BAZ2B: variants seen among roughly 807,000 people sequenced by gnomAD.
The protein encoded by BAZ2B is bromodomain adjacent to zinc finger domain 2B.
A neutral mutation model predicts 246.0 loss-of-function variants in BAZ2B; 91 were observed. The observed-to-expected ratio is 0.37, with a 90% confidence interval of 0.31 to 0.44. The LOEUF is 0.44. Among genes scored for constraint, BAZ2B ranks in the 20% least tolerant of loss-of-function variants. The pLI is 1.00. For missense variants in BAZ2B, 2,332 were observed against 2,533.7 expected, an observed-to-expected ratio of 0.92 and a Z score of 1.71; for synonymous variants, 855 against 860.0, an observed-to-expected ratio of 0.99 and a Z score of 0.10.
the BAZ2B span, among the ~76,000 whole-genome samples, chr2:159,676,846 T>C: frequency 1.3e-5 from 2 of 151,796 alleles, no homozygotes; most frequent in African/African-American, 4.8e-5. Flanking sequence ...TGCACAATAG[T>C]GTGAATGTAC....
the BAZ2B span, among the ~76,000 whole-genome samples, chr2:159,643,594 G>A: frequency 1.3e-5 from 2 of 152,014 alleles, no homozygotes; most frequent in Admixed American, 6.6e-5. Context: ...GTCTTAACTT[G>A]GCTGGTGCGG....
intron 30 of BAZ2B, among the ~76,000 whole-genome samples, chr2:159,348,152 C>G (rs998727826): frequency 6.6e-6 from 1 of 151,268 alleles, no homozygotes; most frequent in Non-Finnish European, 1.5e-5. Context: ...GGCCCTGTCT[C>G]TACAAAAAAT....
intron 2 of BAZ2B, among the ~76,000 whole-genome samples, chr2:159,537,429 G>A (rs10189523): frequency 0.031 from 4,743 of 152,362 alleles, 250 homozygotes; most frequent in African/African-American, 0.11. Flanking sequence ...ATGAGGCACT[G>A]TTACCTGTCT....
rs549657066 is a variant in BAZ2B, at chr2:159,527,069, C to T, written c.-3+28754G>A. 6.9e-4 allele frequency among the ~76,000 whole-genome samples: 104 copies of T among 151,370 alleles called. 1 individual carries two copies. The highest frequency in any genetic ancestry group is 2.4e-3 in the African/African-American group (99 of 41,238). On this transcript the variant is annotated intron_variant, in intron 2 of 36. Coordinates refer to ENST00000392783, the MANE Select transcript of BAZ2B (RefSeq NM_013450.4). ...TATCTTTGCCAGCAATTCATATTGT[C>T]GCTATTTTTAATTTTAATTTTTTTA...
At chr2:159,351,127 C>A (rs767150392) in intron 27 of BAZ2B, among the ~76,000 whole-genome samples, 27 of 152,118 alleles carry the variant, frequency 1.8e-4, no homozygotes, top group Non-Finnish European at 3.2e-4. Context: ...TACTACACAG[C>A]AAAAATTACC....
At chr2:159,686,522 A>G in the BAZ2B span, among the ~76,000 whole-genome samples, 1 of 152,322 alleles carries the variant, frequency 6.6e-6, no homozygotes, top group Admixed American at 6.5e-5. Flanking sequence ...AAACAATACT[A>G]AGAAACTATC....
At chr2:159,618,526 G>A (rs1403819016), upstream of BAZ2B, among the ~76,000 whole-genome samples, 3 of 151,976 alleles carry the variant, frequency 2.0e-5, no homozygotes, top group African/African-American at 7.2e-5. Flanking sequence ...AAGTATGAAT[G>A]CACTTAGTAT....
chr2:159,407,215 T>C (rs2066089770), intron 14 of BAZ2B, among the ~76,000 whole-genome samples: 2 of 150,852 alleles, frequency 1.3e-5, no homozygotes, highest in African/African-American at 2.4e-5. Context: ...CTCATGCCTG[T>C]AATCCCAGCA....
intron 8 of BAZ2B, chr2:159,434,566 C>T (rs740): frequency 0.32 from 49,236 of 151,874 alleles, 9,800 homozygotes; most frequent in Non-Finnish European, 0.46. Flanking sequence ...GATAACTTAA[C>T]ATCTTTGATA....
chr2:159,400,805 C>T, intron 16 of BAZ2B, 141 bp from the exon 17 acceptor site: 1 of 480,326 alleles, frequency 2.1e-6, no homozygotes, highest in South Asian at 2.6e-5. Flanking sequence ...CTTTGGGAGG[C>T]CAAGGTGGGC....
intron 31 of BAZ2B, among the ~76,000 whole-genome samples, chr2:159,339,185 C>T (rs780104184): frequency 8.8e-6 from 1 of 114,154 alleles, no homozygotes; most frequent in East Asian, 2.8e-4. Context: ...TACAAGCTGG[C>T]TTCAGTTCCT....
chr2:159,503,084 T>C (rs578114485), intron 2 of BAZ2B, among the ~76,000 whole-genome samples: 36 of 152,170 alleles, frequency 2.4e-4, no homozygotes, highest in Admixed American at 7.2e-4. Flanking sequence ...ATACTGTTTC[T>C]ACCAAGAGTA....
At chr2:159,396,042 A>G (rs1452490923) in intron 19 of BAZ2B, 2 of 458,602 alleles carry the variant, frequency 4.4e-6, no homozygotes, top group Non-Finnish European at 7.8e-6. Flanking sequence ...TACAACAATC[A>G]AAAGCAAAAA....
chr2:159,476,903 A>T (rs1309165084), intron 3 of BAZ2B, among the ~76,000 whole-genome samples: 1 of 152,226 alleles, frequency 6.6e-6, no homozygotes, highest in Admixed American at 6.5e-5. Context: ...AGAGGCTTGG[A>T]CACTTACAGT....
the BAZ2B span, among the ~76,000 whole-genome samples, chr2:159,621,675 A>G: frequency 1.3e-5 from 2 of 152,324 alleles, no homozygotes; most frequent in Admixed American, 6.5e-5. Context: ...GGACTTTTTG[A>G]TAATTGGTGT....
In BAZ2B at chr2:159,525,560, G is replaced by A. The variant is rs1447737503; in HGVS notation, c.-3+30263C>T. Reference sequence around the variant, plus strand: ...TGTAGATGAAACTAATAAATTCAGTGTTTAGACCTGGGTATCTCCCCTCCC... The same window carrying A: ...TGTAGATGAAACTAATAAATTCAGTATTTAGACCTGGGTATCTCCCCTCCC... On this transcript the variant is annotated intron_variant, in intron 2 of 36. Transcript: ENST00000392783. Among the ~76,000 whole-genome samples, 7 of 150,684 alleles carry A rather than the reference G, an allele frequency of 4.6e-5. No homozygotes were observed. In the East Asian group the frequency reaches 1.4e-3, roughly 29 times the overall value.
the BAZ2B span, among the ~76,000 whole-genome samples, chr2:159,700,820 G>A: frequency 2.0e-5 from 3 of 150,848 alleles, no homozygotes; most frequent in Admixed American, 1.3e-4. Flanking sequence ...CAAAGATGTG[G>A]GACATGCAGA....
the BAZ2B span, among the ~76,000 whole-genome samples, chr2:159,639,366 G>A: frequency 6.6e-6 from 1 of 152,042 alleles, no homozygotes; most frequent in African/African-American, 2.4e-5. Context: ...ACTGGTAATG[G>A]TAAGCACATA....
At chr2:159,411,125 G>A (rs940624653) in intron 14 of BAZ2B, among the ~76,000 whole-genome samples, 1 of 152,168 alleles carries the variant, frequency 6.6e-6, no homozygotes, top group Non-Finnish European at 1.5e-5. Flanking sequence ...GGGCTCAGAG[G>A]ATCCTCCCAC....
Sources: allele counts gnomAD v4.1 joint callset (sites outside exome capture counted in the v4.1 genomes callset), GRCh38; gene constraint gnomAD v4.1.1; transcripts MANE v1.5; gene names NCBI Gene and HGNC (gene_info 2026-07-23, HGNC 2026-07-21).